The following ACBD4 variants were observed in gnomAD, a reference collection of about 807,000 sequenced individuals.
The protein encoded by ACBD4 is acyl-CoA-binding domain-containing protein 4.
A neutral mutation model predicts 46.0 loss-of-function variants in ACBD4; 41 were observed. The ratio of observed to expected loss-of-function variants is 0.89; its 90% CI spans 0.69 to 1.16. The LOEUF (loss-of-function observed/expected upper bound fraction) is 1.16. Ranked by LOEUF, ACBD4 falls within the 50% of genes most tolerant of loss-of-function variation. ACBD4 has a pLI of 0.00. For synonymous variants in ACBD4, 162 were observed against 155.9 expected, an observed-to-expected ratio of 1.04 and a Z score of -0.29; for missense variants, 393 against 399.5, an observed-to-expected ratio of 0.98 and a Z score of 0.14.
At position 45,137,998 on chromosome 17, in the gene ACBD4, T is replaced by C; in HGVS notation, c.649+10T>C. The C allele has an allele frequency of 1.2e-6, 2 of 1,608,116 alleles. No homozygotes were observed. The highest frequency in any genetic ancestry group is 1.7e-6 in the Non-Finnish European group (2 of 1,176,028). On this transcript the variant is annotated intron_variant, in intron 8 of 9. Transcript: ENST00000321854. ...CCCCCCACAAAGAAAGGTGAGCTCC[T>C]ACCCAACCTCTCACCCACTTCTGCC...
chr17:45,132,572 G>T (rs2054483978), upstream of ACBD4: 1 of 238,154 alleles, frequency 4.2e-6, no homozygotes, highest in Non-Finnish European at 7.8e-6. The surrounding 1 kb of genome is among the most constrained non-coding windows in gnomAD (Gnocchi z 4.6). Flanking sequence ...GGCGGGGCGG[G>T]GCGGGAAGGG....
intron 4 of ACBD4, 103 bp downstream of exon 4, chr17:45,136,879 A>T: frequency 6.3e-7 from 1 of 1,578,994 alleles, no homozygotes; most frequent in East Asian, 2.3e-5. Flanking sequence ...CCCTCATGGG[A>T]ATCACCACCT....
intron 8 of ACBD4, 118 bp downstream of exon 8, chr17:45,138,106 C>T: frequency 4.6e-6 from 5 of 1,087,482 alleles, no homozygotes; most frequent in Non-Finnish European, 5.4e-6. Flanking sequence ...GGGCACTGAG[C>T]GAGAAGCCTC....
At chr17:45,133,464 C>G (rs2054573199), upstream of ACBD4, 1 of 151,578 alleles carries the variant, frequency 6.6e-6, no homozygotes. Context: ...TCTCCCAGGC[C>G]CAGAGATTCT....
In ACBD4 at chr17:45,137,091, A is replaced by AT; in HGVS notation, c.368dup (p.Asp125Ter). ...TTACTTCGAGCCCCTGTACCAGGTGATCCCTGACATGCCGAGGCCCCCAGA... is the reference window on the plus strand; with the variant it reads ...TTACTTCGAGCCCCTGTACCAGGTGATTCCCTGACATGCCGAGGCCCCCAGA... On this transcript the variant is annotated frameshift_variant, in exon 5 of 10. Coordinates refer to ENST00000321854, the MANE Select transcript of ACBD4 (RefSeq NM_001135705.3). LOFTEE classifies it high-confidence loss of function. The AT allele has an allele frequency of 6.2e-7, 1 of 1,614,096 alleles. No individual in the cohort carries two copies. The highest frequency in any genetic ancestry group is 1.6e-4 in the Middle Eastern group (1 of 6,062).
chr17:45,139,257 C>T (rs900110764), intron 9 of ACBD4, 97 bp downstream of exon 9: 1 of 1,215,258 alleles, frequency 8.2e-7, no homozygotes, highest in Admixed American at 1.8e-5. Flanking sequence ...CTCACGCCTC[C>T]ACCTGCCCAC....
upstream of ACBD4, chr17:45,132,468 G>A (rs2054478178): frequency 1.6e-5 from 17 of 1,091,882 alleles, no homozygotes; most frequent in Non-Finnish European, 1.9e-5. The surrounding 1 kb of genome is among the most constrained non-coding windows in gnomAD (Gnocchi z 4.6). Context: ...AGGGCAGCGG[G>A]GCGCCGCTCT....
chr17:45,137,366 A>G lies in ACBD4; in HGVS notation c.416-2A>G. On this transcript the variant is annotated splice_acceptor_variant, in intron 5 of 9. Transcript: ENST00000321854. LOFTEE classifies it high-confidence loss of function. ...CCACCTCTGGGTGCTGTGTCTTGGC[A>G]GGTTGGAAAGAGCAGGTTGTGAATG... 6.2e-7 allele frequency: 1 copy of G among 1,614,036 alleles called. No individual in the cohort carries two copies. Among genetic ancestry groups the G allele is most frequent in the Non-Finnish European group, 8.5e-7 (1 of 1,179,982 alleles).
At chr17:45,132,047 C>T (rs372610594), upstream of ACBD4, among the ~76,000 whole-genome samples, 1 of 152,214 alleles carries the variant, frequency 6.6e-6, no homozygotes, top group Non-Finnish European at 1.5e-5. This position sits in a 1 kb window ranked among gnomAD's most constrained non-coding sequence, Gnocchi z 4.6. Flanking sequence ...CAAAGAACAC[C>T]CTGGGCGCCC....
chr17:45,136,974 G>A (rs200034341), intron 4 of ACBD4, 45 bp from the exon 5 acceptor site: 1 of 1,611,480 alleles, frequency 6.2e-7, no homozygotes, highest in African/African-American at 1.3e-5. Context: ...CAGGGAGGAA[G>A]GGACAGGAGG....
chr17:45,132,309 G>A, upstream of ACBD4: 2 of 1,254,532 alleles, frequency 1.6e-6, no homozygotes, highest in Non-Finnish European at 2.0e-6. This position sits in a 1 kb window ranked among gnomAD's most constrained non-coding sequence, Gnocchi z 4.6. Flanking sequence ...GAGTCGGCGG[G>A]GACGGGAGAG....
intron 9 of ACBD4, among the ~76,000 whole-genome samples, chr17:45,140,004 G>A (rs2055163461): frequency 6.6e-6 from 1 of 152,092 alleles, no homozygotes; most frequent in South Asian, 2.1e-4. Context: ...AGGTAGTGGG[G>A]GCAGAGAGGG....
chr17:45,137,816 C>G lies in ACBD4; in HGVS notation c.559C>G (p.Leu187Val). The G allele has an allele frequency of 6.2e-7, 1 of 1,614,010 alleles. No individual in the cohort carries two copies. Among genetic ancestry groups the G allele is most frequent in the Non-Finnish European group, 8.5e-7 (1 of 1,179,954 alleles). The change falls in exon 7 of 10, where the codon CTG becomes GTG. Residue 187 changes from leucine (L) to valine (V), a missense_variant. Transcript: ENST00000321854. ...GGTTTTCTGTGATTCCCTGGAGCAGCTGGAGCCTGAGCTGGTGAGCCCAGT... is the reference window on the plus strand; with the variant it reads ...GGTTTTCTGTGATTCCCTGGAGCAGGTGGAGCCTGAGCTGGTGAGCCCAGT... ...SEVFCDSLEQ[L>V]EPELVWTEQR... is the part of the protein sequence containing the mutation.
At position 45,136,546 on chromosome 17, in the gene ACBD4, C is replaced by G. The variant is rs201576973; in HGVS notation, c.135C>G (p.Tyr45Ter). Reference protein sequence around the residue: ...SYEEMLRFYSYYKQATMGPCL... With the variant: ...SYEEMLRFYS ...AAGAGATGCTGCGATTCTACAGTTA[C>G]TACAAGCAGGCCACCATGGGGCCCT... The change falls in exon 3 of 10, where the codon TAC (tyrosine) becomes TAG (stop). Residue 45 changes from tyrosine (Y) to a stop codon, truncating the protein, a stop_gained. Coordinates refer to ENST00000321854, the MANE Select transcript of ACBD4 (RefSeq NM_001135705.3). LOFTEE classifies it high-confidence loss of function. 84 of 1,613,810 alleles carry G rather than the reference C, an allele frequency of 5.2e-5. No homozygotes were observed. The highest frequency in any genetic ancestry group is 2.0e-4 in the Admixed American group (12 of 59,996).
At chr17:45,137,329 C>T (rs754888513) in intron 5 of ACBD4, 39 bp from the exon 6 acceptor site, 74 of 1,608,648 alleles carry the variant, frequency 4.6e-5, no homozygotes, top group Non-Finnish European at 5.7e-5. Context: ...AGGTGCCAGC[C>T]TCTCCCCAGG....
At chr17:45,134,525 C>T (rs566944272), upstream of ACBD4, among the ~76,000 whole-genome samples, 13 of 152,256 alleles carry the variant, frequency 8.5e-5, no homozygotes, top group South Asian at 1.9e-3. Context: ...GCCTGTAATC[C>T]CAACACTTTG....
intron 2 of ACBD4, 110 bp downstream of exon 2, chr17:45,136,342 G>A: frequency 6.6e-7 from 1 of 1,507,246 alleles, no homozygotes; most frequent in South Asian, 1.2e-5. Flanking sequence ...GCCCCTGCCT[G>A]GGCTGTCCTG....
chr17:45,132,012 C>T (rs1295794552), upstream of ACBD4, among the ~76,000 whole-genome samples: 1 of 152,226 alleles, frequency 6.6e-6, no homozygotes, highest in Non-Finnish European at 1.5e-5. This position sits in a 1 kb window ranked among gnomAD's most constrained non-coding sequence, Gnocchi z 4.6. Context: ...CTTCAGACGC[C>T]CCGCGAGCGC....
chr17:45,131,622 C>CA (rs1202442915), upstream of ACBD4, among the ~76,000 whole-genome samples: 1 of 152,234 alleles, frequency 6.6e-6, no homozygotes, highest in Non-Finnish European at 1.5e-5. Context: ...TGCAAGACAC[C>CA]ACCTGTGTAA....
Sources: gnomAD v4.1 joint callset for allele counts (sites outside exome capture counted in the v4.1 genomes callset) on GRCh38, gnomAD v4.1.1 for gene constraint, Gnocchi (gnomAD v3.1) non-coding constraint, MANE v1.5 for transcripts, NCBI Gene and HGNC (gene_info 2026-07-23, HGNC 2026-07-21) for gene names.